The following MGST1 variants were observed in gnomAD, a reference collection of about 807,000 sequenced individuals.
MGST1 encodes the protein microsomal glutathione S-transferase 1, also known as glutathione S-transferase 12.
A neutral mutation model predicts 8.9 loss-of-function variants in MGST1; 5 were observed. That is an observed-to-expected ratio of 0.56 (90% CI 0.29 to 1.19). MGST1 has a LOEUF of 1.19. Among genes scored for constraint, MGST1 ranks in the 50% most tolerant of loss-of-function variants. The probability of loss-of-function intolerance (pLI) is 0.08; values close to 1 mark genes in which losing one functional copy is unlikely to be tolerated. For synonymous variants in MGST1, 54 were observed against 67.8 expected (o/e 0.80, Z 1.00); for missense variants, 182 against 187.4 (o/e 0.97, Z 0.17).
chr12:16,531,148 C>T (rs977144838), intron 4 of MGST1, among the ~76,000 whole-genome samples: 2 of 100,574 alleles, frequency 2.0e-5, no homozygotes, highest in African/African-American at 7.8e-5. Flanking sequence ...CTTCACCTTA[C>T]CCCTGACCAA....
At chr12:16,420,883 A>C (rs949865347) in intron 1 of MGST1, among the ~76,000 whole-genome samples, 1 of 152,106 alleles carries the variant, frequency 6.6e-6, no homozygotes, top group Non-Finnish European at 1.5e-5. Flanking sequence ...ATTTATTTTC[A>C]TGATAAATTC....
intron 4 of MGST1, among the ~76,000 whole-genome samples, chr12:16,536,342 C>T (rs911460157): frequency 4.6e-5 from 7 of 152,046 alleles, no homozygotes; most frequent in South Asian, 4.1e-4. Context: ...GAAAAAACTA[C>T]GTGGATAAAT....
rs964122895 is a variant in MGST1, at chr12:16,513,376, C to T, written n.483-76152C>T. On this transcript the variant is annotated intron_variant and non_coding_transcript_variant, in intron 4 of 4. Transcript: ENST00000538857. The surrounding 1 kb of genome is among the most constrained non-coding windows in gnomAD (Gnocchi z 4.2). ...GCTCCGTCCTGCGTCTGCCCACTGCCCTCCTACCGTCCACCATGGCTCCTC... is the reference window on the plus strand; with the variant it reads ...GCTCCGTCCTGCGTCTGCCCACTGCTCTCCTACCGTCCACCATGGCTCCTC... 1.6e-5 allele frequency: 6 copies of T among 366,994 alleles called. No individual in the cohort carries two copies. The highest frequency in any genetic ancestry group is 3.2e-5 in the Non-Finnish European group (6 of 188,530). The allele number at this position is 366,994 out of a possible 1,614,324, so 22.7% of individuals were successfully genotyped here.
At chr12:16,379,288 C>G (rs1370691038), downstream of MGST1, among the ~76,000 whole-genome samples, 1 of 152,118 alleles carries the variant, frequency 6.6e-6, no homozygotes, top group Non-Finnish European at 1.5e-5. Context: ...GTGGGTTTGT[C>G]ATAGATAGCT....
At chr12:16,377,447 T>G (rs925164650), downstream of MGST1, among the ~76,000 whole-genome samples, 12 of 152,142 alleles carry the variant, frequency 7.9e-5, no homozygotes, top group Non-Finnish European at 1.5e-4. Context: ...GTTTCCAGTT[T>G]CATCCATGTC....
intron 1 of MGST1, among the ~76,000 whole-genome samples, chr12:16,420,913 A>T (rs941008986): frequency 3.9e-5 from 6 of 152,152 alleles, no homozygotes; most frequent in African/African-American, 2.4e-5. Flanking sequence ...CTCCTCCGGC[A>T]TTCGGATTGA....
At chr12:16,577,984 G>T (rs563692777) in intron 4 of MGST1, among the ~76,000 whole-genome samples, 1 of 152,114 alleles carries the variant, frequency 6.6e-6, no homozygotes, top group Non-Finnish European at 1.5e-5. Context: ...ATTTTGTCTG[G>T]CAACACTACA....
rs994062646 is a variant in MGST1 at position 16,351,286 on chromosome 12, A to G, written c.-22-2945A>G. Reference sequence around the variant, plus strand: ...AATTACTTTACCTACACTCTGAAGGATAGTGCAGTTTATTCATGACTTTCA... The same window carrying G: ...AATTACTTTACCTACACTCTGAAGGGTAGTGCAGTTTATTCATGACTTTCA... On this transcript the variant is annotated intron_variant, in intron 1 of 3. Transcript: ENST00000396210. 2.0e-4 allele frequency among the ~76,000 whole-genome samples: 31 copies of G among 152,010 alleles called. 1 individual carries two copies. The highest frequency in any genetic ancestry group is 6.5e-4 in the African/African-American group (27 of 41,384).
intron 1 of MGST1, among the ~76,000 whole-genome samples, chr12:16,416,974 G>T (rs1391005082): frequency 6.6e-6 from 1 of 152,172 alleles, no homozygotes; most frequent in East Asian, 1.9e-4. Context: ...TTAAAAATGG[G>T]CCAAGTTATT....
At chr12:16,563,824 C>T (rs1942488640) in intron 4 of MGST1, among the ~76,000 whole-genome samples, 1 of 152,118 alleles carries the variant, frequency 6.6e-6, no homozygotes, top group Non-Finnish European at 1.5e-5. Flanking sequence ...CCAGCTTATA[C>T]ATTTACGGTA....
chr12:16,488,160 G>A (rs1941412886), intron 4 of MGST1, among the ~76,000 whole-genome samples: 2 of 152,104 alleles, frequency 1.3e-5, no homozygotes, highest in African/African-American at 2.4e-5. Context: ...AGTTGAATTA[G>A]GAGAATATTG....
Position 16,547,588 on chromosome 12 carries a change from G to T in MGST1, n.483-41940G>T, listed in dbSNP as rs1384267557. 6.6e-6 allele frequency among the ~76,000 whole-genome samples: 1 copy of T among 152,108 alleles called. No individual in the cohort carries two copies. Among genetic ancestry groups the T allele is most frequent in the East Asian group, 1.9e-4 (1 of 5,176 alleles). ...CCAACCCTAAGTCTGCCCAACAGGA[G>T]GCTGAATGCTCAGGGAGAGGCCTGT... On this transcript the variant is annotated intron_variant and non_coding_transcript_variant, in intron 4 of 4. Transcript: ENST00000538857. The surrounding 1 kb of genome is among the most constrained non-coding windows in gnomAD (Gnocchi z 4.6).
In MGST1 at chr12:16,555,474, T is replaced by C. The variant is rs919872017; in HGVS notation, n.483-34054T>C. Among the ~76,000 whole-genome samples, 6 of 152,348 alleles carry C rather than the reference T, an allele frequency of 3.9e-5. No homozygotes were observed. The East Asian group carries it at 1.2e-3, about 29-fold the overall frequency. On this transcript the variant is annotated intron_variant and non_coding_transcript_variant, in intron 4 of 4. Transcript: ENST00000538857. This position sits in a 1 kb window ranked among gnomAD's most constrained non-coding sequence, Gnocchi z 5.5. The stretch of plus-strand genomic sequence containing the variant: ...TTCTTTTGAACCCTTTGCAGAACCA[T>C]CATAAACTGTACTACCACTTAAGGT...
At chr12:16,359,005 T>C (rs1346917636) in intron 3 of MGST1, among the ~76,000 whole-genome samples, 1 of 152,020 alleles carries the variant, frequency 6.6e-6, no homozygotes, top group Non-Finnish European at 1.5e-5. Flanking sequence ...TCTATGCATG[T>C]TTCCATATTC....
chr12:16,553,232 C>A (rs1398517195), intron 4 of MGST1, among the ~76,000 whole-genome samples: 1 of 152,038 alleles, frequency 6.6e-6, no homozygotes, highest in Non-Finnish European at 1.5e-5. Flanking sequence ...CAAAGCCCTG[C>A]CCAAGATTCT....
intron 3 of MGST1, chr12:16,376,116 G>A: frequency 1.5e-6 from 2 of 1,316,452 alleles, no homozygotes; most frequent in African/African-American, 1.5e-5. Flanking sequence ...TTTTTTAATT[G>A]TTTAGAATCA....
In MGST1 at chr12:16,410,511, A is replaced by G. The variant is rs1260492464; in HGVS notation, n.779-26877A>G. On this transcript the variant is annotated intron_variant and non_coding_transcript_variant, in intron 1 of 1. Transcript: ENST00000359720. This position sits in a 1 kb window ranked among gnomAD's most constrained non-coding sequence, Gnocchi z 4.4. Reference sequence around the variant, plus strand: ...TTTGTAAAAGCATATATGTTGGTATATATTGCATATATGTGTATATATTTG... The same window carrying G: ...TTTGTAAAAGCATATATGTTGGTATGTATTGCATATATGTGTATATATTTG... Among the ~76,000 whole-genome samples the G allele has an allele frequency of 6.6e-6, 1 of 151,130 alleles. No homozygotes were observed. Among genetic ancestry groups the G allele is most frequent in the Non-Finnish European group, 1.5e-5 (1 of 67,844 alleles).
At chr12:16,556,537 A>T (rs1942196390) in intron 4 of MGST1, among the ~76,000 whole-genome samples, 1 of 152,238 alleles carries the variant, frequency 6.6e-6, no homozygotes, top group Non-Finnish European at 1.5e-5. Flanking sequence ...TGACTGCTGA[A>T]TACAATTCAC....
In MGST1 at chr12:16,364,268, C is replaced by A; in HGVS notation, c.*227C>A. ...AGTCTTTTGTCTGATTTTTAAAGTA[C>A]TTTCTTATAAATTTGGATCATGTTA... On this transcript the variant is annotated 3_prime_UTR_variant, in exon 4 of 4. Coordinates refer to ENST00000396210, the MANE Select transcript of MGST1 (RefSeq NM_020300.5). The surrounding 1 kb of genome is among the most constrained non-coding windows in gnomAD (Gnocchi z 5.7). The A allele has an allele frequency of 8.3e-7, 1 of 1,208,878 alleles. No individual in the cohort carries two copies. The highest frequency in any genetic ancestry group is 3.5e-5 in the East Asian group (1 of 28,888). The allele number at this position is 1,208,878 out of a possible 1,614,324, so 74.9% of individuals were successfully genotyped here. A position where few individuals can be genotyped will look rare whatever the true frequency, so the allele number is the denominator to read the frequency against.
Sources: allele counts gnomAD v4.1 joint callset (sites outside exome capture counted in the v4.1 genomes callset), GRCh38; gene constraint gnomAD v4.1.1; non-coding constraint Gnocchi (gnomAD v3.1); transcripts MANE v1.5; gene names NCBI Gene and HGNC (gene_info 2026-07-23, HGNC 2026-07-21).